ITGB3BP: variants seen among roughly 807,000 people sequenced by gnomAD.
ITGB3BP encodes integrin subunit beta 3 binding protein.
In ITGB3BP, 27 loss-of-function variants were observed where a neutral mutation model predicts 29.1. That is an observed-to-expected ratio of 0.93 (90% CI 0.68 to 1.28). The LOEUF is 1.28. Ranked by LOEUF, ITGB3BP falls within the 50% of genes most tolerant of loss-of-function variation. ITGB3BP has a pLI of 0.00. For synonymous variants in ITGB3BP, 61 were observed against 61.4 expected (o/e 0.99, Z 0.03); for missense variants, 192 against 200.2 (o/e 0.96, Z 0.25).
chr1:63,499,254 C>T lies in ITGB3BP; in HGVS notation c.49-9036G>A, dbSNP rs566251255. ...TCGGCTCACCGCAACCTCCGTATCCCGGGTTCAAGCAATTCTCCTGCCTCA... is the reference window on the plus strand; with the variant it reads ...TCGGCTCACCGCAACCTCCGTATCCTGGGTTCAAGCAATTCTCCTGCCTCA... On this transcript the variant is annotated intron_variant, in intron 2 of 8. Coordinates refer to ENST00000271002, the MANE Select transcript of ITGB3BP (RefSeq NM_014288.5). Among the ~76,000 whole-genome samples, 10 of 150,820 alleles carry T rather than the reference C, an allele frequency of 6.6e-5. No homozygotes were observed. In the South Asian group the frequency reaches 1.1e-3, roughly 16 times the overall value.
At chr1:63,466,570 A>C (rs149471115) in intron 4 of ITGB3BP, among the ~76,000 whole-genome samples, 1 of 152,216 alleles carries the variant, frequency 6.6e-6, no homozygotes, top group Non-Finnish European at 1.5e-5. Context: ...TCTTTTAAAG[A>C]ATTTATTTTA....
At chr1:63,461,332 A>C (rs1169263226) in intron 4 of ITGB3BP, among the ~76,000 whole-genome samples, 1 of 147,206 alleles carries the variant, frequency 6.8e-6, no homozygotes, top group Non-Finnish European at 1.5e-5. Flanking sequence ...TTTCTTGTTG[A>C]GTTTTGGAAG....
chr1:63,523,403 C>T, upstream of ITGB3BP: 1 of 545,014 alleles, frequency 1.8e-6, no homozygotes, highest in Non-Finnish European at 3.3e-6. Flanking sequence ...CTGGCCATAC[C>T]ACCCCCGCGA....
chr1:63,441,278 C>G (rs537218665), intron 8 of ITGB3BP, among the ~76,000 whole-genome samples, 175 bp from the exon 9 acceptor site: 2 of 152,274 alleles, frequency 1.3e-5, no homozygotes, highest in African/African-American at 2.4e-5. Context: ...CTCACTCTCC[C>G]CCAGGCTGGA....
At chr1:63,497,786 C>T (rs1454275817) in intron 2 of ITGB3BP, among the ~76,000 whole-genome samples, 3 of 152,156 alleles carry the variant, frequency 2.0e-5, no homozygotes, top group Admixed American at 6.5e-5. Context: ...ATCCCTTCCC[C>T]GTCTTCCTGA....
At chr1:63,472,353 T>G (rs956443315) in intron 4 of ITGB3BP, among the ~76,000 whole-genome samples, 1 of 141,014 alleles carries the variant, frequency 7.1e-6, no homozygotes, top group African/African-American at 2.6e-5. Flanking sequence ...CTCCTAGCTA[T>G]GATATTTTTG....
upstream of ITGB3BP, among the ~76,000 whole-genome samples, chr1:63,524,178 C>T (rs1378875645): frequency 6.6e-6 from 1 of 152,162 alleles, no homozygotes; most frequent in African/African-American, 2.4e-5. Flanking sequence ...GAGGACGATC[C>T]TAAAATATAC....
chr1:63,484,359 A>G (rs1401053370), intron 3 of ITGB3BP, among the ~76,000 whole-genome samples: 1 of 152,070 alleles, frequency 6.6e-6, no homozygotes, highest in East Asian at 1.9e-4. Context: ...AATCCCCCAG[A>G]TAGGAAGGGA....
rs753388760 is a variant in ITGB3BP, at chr1:63,490,208, G to A, written c.59C>T (p.Pro20Leu). ...DGLLEENSFD[P>L]SKITRKKSVI... ...ACTTTTCTTCCTTGTGATTTTTGAAGGATCAAATGACTGGAAATAAATAAT... is the reference window on the plus strand; with the variant it reads ...ACTTTTCTTCCTTGTGATTTTTGAAAGATCAAATGACTGGAAATAAATAAT... Residue 20 changes from proline to leucine, a missense_variant, in exon 3 of 9, where the codon CCT (proline) becomes CTT (leucine). By Grantham distance (98) the Pro-to-Leu change is moderately conservative. Transcript: ENST00000271002. The A allele has an allele frequency of 6.4e-7, 1 of 1,559,820 alleles. No homozygotes were observed. The highest frequency in any genetic ancestry group is 8.8e-7 in the Non-Finnish European group (1 of 1,137,806).
chr1:63,480,763 G>A (rs546644713), intron 3 of ITGB3BP, among the ~76,000 whole-genome samples: 4 of 151,994 alleles, frequency 2.6e-5, no homozygotes, highest in Non-Finnish European at 4.4e-5. Context: ...TATGAACTAT[G>A]CCTTATTTGA....
intron 4 of ITGB3BP, among the ~76,000 whole-genome samples, chr1:63,461,377 G>A (rs914258632): frequency 1.3e-5 from 2 of 151,404 alleles, no homozygotes; most frequent in African/African-American, 4.9e-5. Context: ...ACCCTTATTA[G>A]ATATATAATT....
chr1:63,513,253 T>C (rs1646240724), intron 1 of ITGB3BP, among the ~76,000 whole-genome samples: 1 of 152,214 alleles, frequency 6.6e-6, no homozygotes, highest in African/African-American at 2.4e-5. Context: ...TCAGTTCTCC[T>C]TCCTTTATTC....
intron 1 of ITGB3BP, among the ~76,000 whole-genome samples, chr1:63,519,855 A>G (rs777479439): frequency 7.9e-5 from 12 of 152,138 alleles, no homozygotes; most frequent in Non-Finnish European, 1.2e-4. Flanking sequence ...AGCACATTTT[A>G]AAGTTCTCTC....
intron 1 of ITGB3BP, among the ~76,000 whole-genome samples, chr1:63,520,213 ATCAT>A (rs57389301): frequency 0.21 from 32,371 of 152,012 alleles, 3,984 homozygotes; most frequent in African/African-American, 0.35. Context: ...TAGCAACTTT[ATCAT>A]TCAATTAATA....
At chr1:63,519,317 CATGTAATTT>C (rs1646399743) in intron 1 of ITGB3BP, among the ~76,000 whole-genome samples, 3 of 151,984 alleles carry the variant, frequency 2.0e-5, no homozygotes, top group Admixed American at 6.5e-5. Context: ...TTGAACATCT[CATGTAATTT>C]ATTGAATATT....
At chr1:63,518,049 G>T (rs1646372951) in intron 1 of ITGB3BP, among the ~76,000 whole-genome samples, 2 of 152,144 alleles carry the variant, frequency 1.3e-5, no homozygotes, top group Non-Finnish European at 1.5e-5. Flanking sequence ...AACACTATGG[G>T]TGTTTTTCTG....
upstream of ITGB3BP, among the ~76,000 whole-genome samples, chr1:63,527,586 G>A (rs1646617344): frequency 2.0e-5 from 3 of 152,134 alleles, no homozygotes; most frequent in Admixed American, 2.0e-4. Context: ...ATATCATGGT[G>A]TCAAAATTTA....
chr1:63,519,335 T>C (rs1198627975), intron 1 of ITGB3BP, among the ~76,000 whole-genome samples: 1 of 152,130 alleles, frequency 6.6e-6, no homozygotes, highest in Non-Finnish European at 1.5e-5. Flanking sequence ...TTATTGAATA[T>C]TGTGCTGAAA....
intron 1 of ITGB3BP, 86 bp downstream of exon 1, chr1:63,523,043 A>C (rs1646497669): frequency 6.5e-7 from 1 of 1,530,638 alleles, no homozygotes. Flanking sequence ...AAAATAGGAA[A>C]ACGAGAAAGG....
Sources: gnomAD v4.1 joint callset for allele counts (sites outside exome capture counted in the v4.1 genomes callset) on GRCh38, gnomAD v4.1.1 for gene constraint, MANE v1.5 for transcripts, NCBI Gene and HGNC (gene_info 2026-07-23, HGNC 2026-07-21) for gene names.